Variants in RPS6KC1 observed in about 807,000 individuals in gnomAD.
RPS6KC1 encodes ribosomal protein S6 kinase C1.
A neutral mutation model predicts 103.8 loss-of-function variants in RPS6KC1; 54 were observed. The ratio of observed to expected loss-of-function variants is 0.52; its 90% CI spans 0.42 to 0.65. RPS6KC1 has a LOEUF of 0.65. Ranked by LOEUF, RPS6KC1 falls within the 30% of genes least tolerant of loss-of-function variation. The pLI is 0.00. For synonymous variants in RPS6KC1, 439 were observed against 438.7 expected (o/e 1.00, Z -0.01); for missense variants, 1,151 against 1,253.8 (o/e 0.92, Z 1.24).
chr1:213,551,038 C>A, the RPS6KC1 span, among the ~76,000 whole-genome samples: 10 of 152,288 alleles, frequency 6.6e-5, no homozygotes, highest in African/African-American at 2.4e-4. Flanking sequence ...CCAGGTTGGG[C>A]TCTGGCAGCA....
At chr1:213,814,045 C>T in the RPS6KC1 span, among the ~76,000 whole-genome samples, 2 of 152,224 alleles carry the variant, frequency 1.3e-5, no homozygotes, top group African/African-American at 4.8e-5. Context: ...ACAAAGATAT[C>T]TTGCTCCTCA....
chr1:213,349,320 AC>A, the RPS6KC1 span, among the ~76,000 whole-genome samples: 1 of 152,086 alleles, frequency 6.6e-6, no homozygotes, highest in Non-Finnish European at 1.5e-5. Flanking sequence ...CTCTGCCTAT[AC>A]CCTATCCACT....
intron 6 of RPS6KC1, among the ~76,000 whole-genome samples, chr1:213,156,710 A>G (rs113537001): frequency 2.0e-4 from 30 of 152,336 alleles, no homozygotes; most frequent in African/African-American, 7.2e-4. Flanking sequence ...AAAAAGGTGG[A>G]AAAAACCTGT....
chr1:213,400,686 T>C, the RPS6KC1 span, among the ~76,000 whole-genome samples: 1 of 151,898 alleles, frequency 6.6e-6, no homozygotes, highest in Non-Finnish European at 1.5e-5. Context: ...GAAACATCTA[T>C]CTTGCCTGCC....
At chr1:213,277,310 G>T (rs913312905), downstream of RPS6KC1, among the ~76,000 whole-genome samples, 1 of 152,230 alleles carries the variant, frequency 6.6e-6, no homozygotes, top group Admixed American at 6.5e-5. Context: ...TCCTGCTGGT[G>T]ATATGTAGTC....
chr1:213,262,627 G>A (rs1245355865), intron 13 of RPS6KC1, 94 bp from the exon 14 acceptor site: 3 of 829,884 alleles, frequency 3.6e-6, no homozygotes, highest in Non-Finnish European at 6.3e-6. Context: ...TAAAATGGTT[G>A]TTGAGCTCTC....
chr1:213,132,429 C>A lies in RPS6KC1; in HGVS notation c.835+2540C>A, dbSNP rs578020539. On this transcript the variant is annotated intron_variant, in intron 6 of 14. Coordinates refer to ENST00000366960, the MANE Select transcript of RPS6KC1 (RefSeq NM_012424.6). ...ATTTTTAACCAGTATATAAAAGAAC[C>A]TTTGTTTCAGTCCTCCTGGTTACAC... Among the ~76,000 whole-genome samples, 26 of 152,112 alleles carry A rather than the reference C, an allele frequency of 1.7e-4. No individual in the cohort carries two copies. In the East Asian group the frequency reaches 5.0e-3, roughly 29 times the overall value.
At chr1:213,731,622 TG>T in the RPS6KC1 span, 3 of 152,234 alleles carry the variant, frequency 2.0e-5, no homozygotes, top group Non-Finnish European at 2.9e-5. Flanking sequence ...AACACTTCTA[TG>T]TCTAGAAATA....
downstream of RPS6KC1, among the ~76,000 whole-genome samples, chr1:213,275,756 G>C (rs769815398): frequency 2.0e-5 from 3 of 152,048 alleles, no homozygotes; most frequent in Non-Finnish European, 4.4e-5. Flanking sequence ...TAGCTATTTT[G>C]TAATATACAA....
At chr1:213,326,211 A>G in the RPS6KC1 span, among the ~76,000 whole-genome samples, 4 of 152,196 alleles carry the variant, frequency 2.6e-5, no homozygotes, top group African/African-American at 9.6e-5. Flanking sequence ...GAGAAAAAAA[A>G]AGAAAAAAGA....
chr1:213,509,552 G>A, the RPS6KC1 span, among the ~76,000 whole-genome samples: 1 of 152,298 alleles, frequency 6.6e-6, no homozygotes, highest in African/African-American at 2.4e-5. Context: ...CTTACCTAGA[G>A]GGTGTCTGTT....
chr1:213,324,489 C>T, the RPS6KC1 span, among the ~76,000 whole-genome samples: 1 of 151,294 alleles, frequency 6.6e-6, no homozygotes, highest in African/African-American at 2.4e-5. Flanking sequence ...AAATAAATGT[C>T]TGTTGCTTAG....
At chr1:213,073,496 C>T (rs1207143776) in intron 2 of RPS6KC1, among the ~76,000 whole-genome samples, 1 of 152,088 alleles carries the variant, frequency 6.6e-6, no homozygotes, top group Admixed American at 6.6e-5. Flanking sequence ...GTTTTGCTCC[C>T]CCTCACCCTT....
At chr1:213,677,522 C>G in the RPS6KC1 span, among the ~76,000 whole-genome samples, 2 of 152,146 alleles carry the variant, frequency 1.3e-5, no homozygotes, top group Non-Finnish European at 2.9e-5. Context: ...TGCCCAGACC[C>G]CAGGCATCAG....
At chr1:213,599,955 A>G in the RPS6KC1 span, among the ~76,000 whole-genome samples, 1 of 152,176 alleles carries the variant, frequency 6.6e-6, no homozygotes, top group East Asian at 1.9e-4. Context: ...CCACATGTCC[A>G]GGGAGGGACC....
the RPS6KC1 span, among the ~76,000 whole-genome samples, chr1:213,444,222 C>G: frequency 1.3e-5 from 2 of 152,272 alleles, no homozygotes; most frequent in African/African-American, 2.4e-5. Flanking sequence ...CATAAGGACA[C>G]CAGTCATAGT....
the RPS6KC1 span, among the ~76,000 whole-genome samples, chr1:213,503,542 C>T: frequency 8.5e-5 from 13 of 152,186 alleles, no homozygotes; most frequent in South Asian, 2.1e-4. Flanking sequence ...TGCCTGTTCT[C>T]GCACTTACGC....
the RPS6KC1 span, among the ~76,000 whole-genome samples, chr1:213,699,418 T>C: frequency 6.6e-6 from 1 of 152,266 alleles, no homozygotes; most frequent in East Asian, 1.9e-4. Context: ...TAAATAGTAC[T>C]CCGTTGTGTA....
intron 6 of RPS6KC1, among the ~76,000 whole-genome samples, chr1:213,149,438 G>A (rs553465179): frequency 2.0e-5 from 3 of 152,230 alleles, no homozygotes; most frequent in African/African-American, 7.2e-5. Flanking sequence ...TAATTTCCGT[G>A]TATTTCTGTA....
Sources: gnomAD v4.1 joint callset for allele counts (sites outside exome capture counted in the v4.1 genomes callset) on GRCh38, gnomAD v4.1.1 for gene constraint, MANE v1.5 for transcripts, NCBI Gene and HGNC (gene_info 2026-07-23, HGNC 2026-07-21) for gene names.